LYST: variants seen among roughly 807,000 people sequenced by gnomAD.
LYST encodes lysosomal-trafficking regulator.
In LYST, 192 loss-of-function variants were observed where a neutral mutation model predicts 413.6. The observed-to-expected ratio is 0.46, with a 90% CI of 0.41 to 0.52. LYST has a LOEUF of 0.52. LYST is among the 20% of genes least tolerant of loss of function. The probability of loss-of-function intolerance (pLI) is 0.00; values close to 1 mark genes in which losing one functional copy is unlikely to be tolerated. For missense variants in LYST, 3,815 were observed against 4,499.9 expected (o/e 0.85, Z 4.35); for synonymous variants, 1,525 against 1,567.3 (o/e 0.97, Z 0.64).
At chr1:235,722,176 C>T (rs897652708) in intron 39 of LYST, among the ~76,000 whole-genome samples, 1 of 152,066 alleles carries the variant, frequency 6.6e-6, no homozygotes, top group Non-Finnish European at 1.5e-5. Context: ...GTAGACAGAG[C>T]GAGGGAGAGA....
intron 47 of LYST, 38 bp from the exon 48 acceptor site, chr1:235,687,085 A>G: frequency 7.5e-7 from 1 of 1,332,588 alleles, no homozygotes; most frequent in East Asian, 2.3e-5. Context: ...TCATGTTTTA[A>G]AAGAATGAAA....
intron 1 of LYST, among the ~76,000 whole-genome samples, chr1:235,836,171 T>G (rs1676550757): frequency 6.6e-6 from 1 of 152,232 alleles, no homozygotes; most frequent in Non-Finnish European, 1.5e-5. Context: ...ACTGATTTAA[T>G]GTATTAGCTA....
chr1:235,681,245 A>G (rs1659791775), intron 48 of LYST, among the ~76,000 whole-genome samples: 1 of 152,182 alleles, frequency 6.6e-6, no homozygotes, highest in Non-Finnish European at 1.5e-5. Flanking sequence ...CTCTGGGCTA[A>G]GAAGACAGCA....
chr1:235,712,213 A>C lies in LYST; in HGVS notation c.9785-16T>G. 1 of 1,548,146 alleles carries C rather than the reference A, an allele frequency of 6.5e-7. No individual in the cohort carries two copies. Among genetic ancestry groups the C allele is most frequent in the Non-Finnish European group, 8.8e-7 (1 of 1,133,524 alleles). On this transcript the variant is annotated splice_polypyrimidine_tract_variant and intron_variant, in intron 42 of 52. Coordinates refer to ENST00000389793, the MANE Select transcript of LYST (RefSeq NM_000081.4). ...AAACTTTGATCTATAAAAAAATACA[A>C]ATAATACGATTAAGACACAAAGACC...
intron 20 of LYST, among the ~76,000 whole-genome samples, chr1:235,767,966 C>G (rs1434124495): frequency 6.6e-6 from 1 of 152,036 alleles, no homozygotes; most frequent in Non-Finnish European, 1.5e-5. Flanking sequence ...CTCCTCTTAG[C>G]TTTTCAATTA....
chr1:235,754,229 C>CTTTTTTTTTTTTTTTTTTTTT (rs71576486), intron 25 of LYST, among the ~76,000 whole-genome samples: 2 of 86,552 alleles, frequency 2.3e-5, no homozygotes, highest in Non-Finnish European at 5.2e-5. Flanking sequence ...CTTTTCTTTT[C>CTTTTTTTTTTTTTTTTTTTTT]TTTTTTTTTT....
intron 1 of LYST, among the ~76,000 whole-genome samples, chr1:235,873,598 C>T (rs1681026988): frequency 6.6e-6 from 1 of 152,152 alleles, no homozygotes; most frequent in African/African-American, 2.4e-5. Context: ...CTATCACCAC[C>T]ACTATCATTG....
At chr1:235,693,745 T>A (rs1354812323) in intron 46 of LYST, among the ~76,000 whole-genome samples, 1 of 152,192 alleles carries the variant, frequency 6.6e-6, no homozygotes, top group East Asian at 1.9e-4. Context: ...AAATTTCTGT[T>A]AAGAAATTAT....
At position 235,741,566 on chromosome 1, in the gene LYST, C is replaced by G. The variant is rs140944484; in HGVS notation, c.8214G>C (p.Glu2738Asp). 348 of 1,614,118 alleles carry G rather than the reference C, an allele frequency of 2.2e-4. No individual in the cohort carries two copies. The highest frequency in any genetic ancestry group is 1.7e-3 in the Middle Eastern group (10 of 6,060). The change falls in exon 31 of 53, where the codon GAG becomes GAC. Residue 2738 changes from glutamate (E) to aspartate (D), a missense_variant. By Grantham distance (45) the Glu-to-Asp change is conservative. This residue lies in a region of LYST where 771 missense variants were observed against 837.1 expected (regional missense o/e 0.92). Coordinates refer to ENST00000389793, the MANE Select transcript of LYST (RefSeq NM_000081.4). ...QWTKILWSCK[E>D]TFRMQLGRLL... is the part of the protein sequence containing the mutation. The stretch of plus-strand genomic sequence containing the variant: ...GTCTCCCAAGCTGCATTCGGAAGGT[C>G]TCCTTACAAGACCACAGAATTTTAG...
intron 1 of LYST, among the ~76,000 whole-genome samples, chr1:235,862,538 G>A (rs2103175293): frequency 6.6e-6 from 1 of 152,236 alleles, no homozygotes; most frequent in African/African-American, 2.4e-5. Flanking sequence ...GCTCATGCCT[G>A]TAATCCCAGC....
chr1:235,709,242 C>T lies in LYST; in HGVS notation c.9992G>A (p.Arg3331His), dbSNP rs771978663. The change falls in exon 44 of 53, where the codon CGT (arginine) becomes CAT (histidine). Residue 3331 changes from arginine (R) to histidine (H), a missense_variant. Transcript: ENST00000389793. The part of the protein sequence containing the change: ...VNHVNLPPWA[R>H]NDPRLFILIH... ...GAGGATAAAAAGACGAGGATCATTA[C>T]GCGCCCAAGGGGGAAGGTTGACGTG... is the stretch of plus-strand genomic sequence containing the variant. 6.2e-6 allele frequency: 10 copies of T among 1,613,986 alleles called. No homozygotes were observed. The highest frequency in any genetic ancestry group is 1.6e-4 in the Middle Eastern group (1 of 6,084).
Position 235,806,569 on chromosome 1 carries a change from G to A in LYST, c.2567C>T (p.Thr856Ile), listed in dbSNP as rs1190153122. ...QKELSSVHVG[T>I]SFHHQQAYSD... ...ATAAGCTTGCTGATGATGAAAAGAA[G>A]TACCCACATGTACAGAGGACAACTC... The change falls in exon 6 of 53, where the codon ACT becomes ATT. Residue 856 changes from threonine to isoleucine, a missense_variant. By Grantham distance (89) the Thr-to-Ile change is moderately conservative. This residue lies in a region of LYST where 1,648 missense variants were observed against 1,810.3 expected (regional missense o/e 0.91). Coordinates refer to ENST00000389793, the MANE Select transcript of LYST (RefSeq NM_000081.4). 36 of 1,614,024 alleles carry A rather than the reference G, an allele frequency of 2.2e-5. No individual in the cohort carries two copies. Among genetic ancestry groups the A allele is most frequent in the Non-Finnish European group, 3.0e-5 (35 of 1,179,924 alleles).
intron 1 of LYST, among the ~76,000 whole-genome samples, chr1:235,863,136 T>C (rs909250405): frequency 2.6e-5 from 4 of 152,118 alleles, no homozygotes; most frequent in Non-Finnish European, 5.9e-5. Context: ...CTCACGCCTG[T>C]AATCCAGGCA....
chr1:235,801,135 A>G (rs746137470), intron 8 of LYST, 38 bp from the exon 9 acceptor site: 2 of 1,235,048 alleles, frequency 1.6e-6, no homozygotes, highest in Admixed American at 1.7e-5. Context: ...TGTATTCCCT[A>G]AACACTAAAT....
At chr1:235,867,449 T>C (rs1222970326), upstream of LYST, among the ~76,000 whole-genome samples, 1 of 152,214 alleles carries the variant, frequency 6.6e-6, no homozygotes, top group African/African-American at 2.4e-5. Flanking sequence ...AAAAGCCATA[T>C]TGTAATGGTT....
chr1:235,679,680 G>A (rs12042452), intron 48 of LYST, among the ~76,000 whole-genome samples: 5 of 151,998 alleles, frequency 3.3e-5, no homozygotes, highest in African/African-American at 7.3e-5. Flanking sequence ...CCACCTTAAC[G>A]CAAAGTGAAG....
At chr1:235,724,288 G>T in intron 38 of LYST, 108 bp from the exon 39 acceptor site, 1 of 905,640 alleles carries the variant, frequency 1.1e-6, no homozygotes, top group Non-Finnish European at 1.7e-6. Flanking sequence ...TCTTTTTGTG[G>T]CAGATGGCAG....
At chr1:235,769,915 T>C (rs1470051607) in intron 20 of LYST, among the ~76,000 whole-genome samples, 1 of 151,974 alleles carries the variant, frequency 6.6e-6, no homozygotes, top group East Asian at 1.9e-4. Context: ...TAAAGAAACA[T>C]CTAAGAAATT....
chr1:235,848,327 G>A (rs1165869277), intron 1 of LYST, among the ~76,000 whole-genome samples: 4 of 152,050 alleles, frequency 2.6e-5, no homozygotes, highest in African/African-American at 4.8e-5. Flanking sequence ...AAAATTCTTC[G>A]AACTGAATGA....
Sources: allele counts gnomAD v4.1 joint callset (sites outside exome capture counted in the v4.1 genomes callset), GRCh38; gene constraint gnomAD v4.1.1; regional missense constraint gnomAD v4.1.1; transcripts MANE v1.5; gene names NCBI Gene and HGNC (gene_info 2026-07-23, HGNC 2026-07-21).